Variants in CEP57L1 observed in about 807,000 individuals in gnomAD.
The protein encoded by CEP57L1 is centrosomal protein 57 like 1, also known as centrosomal protein CEP57L1.
In CEP57L1, 37 loss-of-function variants were observed where a neutral mutation model predicts 61.0. The ratio of observed to expected loss-of-function variants is 0.61; its 90% CI spans 0.47 to 0.80. The LOEUF (loss-of-function observed/expected upper bound fraction) is 0.80, where lower values mean the gene tolerates loss of function less well. Among genes scored for constraint, CEP57L1 ranks in the 30% least tolerant of loss-of-function variants. CEP57L1 has a pLI of 0.00. For missense variants in CEP57L1, 422 were observed against 524.7 expected (o/e 0.80, Z 1.91); for synonymous variants, 137 against 162.3 (o/e 0.84, Z 1.19).
rs114989803 is a variant in CEP57L1 at position 109,144,461 on chromosome 6, G to A, written c.-3-758G>A. Among the ~76,000 whole-genome samples the A allele has an allele frequency of 7.9e-3, 1,205 of 151,964 alleles. 20 individuals are homozygous for A. The highest frequency in any genetic ancestry group is 0.028 in the African/African-American group (1,155 of 41,444). ...TGAATTAATTTAATTAACATTGACT[G>A]GAATCTATTAAAAAATAGAATACAT... On this transcript the variant is annotated intron_variant, in intron 1 of 10. Transcript: ENST00000517392.
rs1399965067 is a variant in CEP57L1 at position 109,171,609 on chromosome 6, A to G, written c.*8639A>G. ...TCAGTTTAAACTACCATCTACAGAA[A>G]TAAAAAACATAAACCACTAAAAGAT... On this transcript the variant is annotated 3_prime_UTR_variant, in exon 11 of 11. Transcript: ENST00000517392. Among the ~76,000 whole-genome samples the G allele has an allele frequency of 9.9e-5, 15 of 152,210 alleles. No homozygotes were observed. Among genetic ancestry groups the G allele is most frequent in the Admixed American group, 7.9e-4 (12 of 15,280 alleles).
intron 1 of CEP57L1, among the ~76,000 whole-genome samples, chr6:109,115,262 G>C (rs1370400033): frequency 6.6e-6 from 1 of 151,602 alleles, no homozygotes; most frequent in Admixed American, 6.6e-5. Context: ...TTAAAGGAGA[G>C]AAAAGAGAGA....
At chr6:109,119,787 A>AT (rs1279323866) in intron 1 of CEP57L1, among the ~76,000 whole-genome samples, 1 of 152,178 alleles carries the variant, frequency 6.6e-6, no homozygotes, top group Non-Finnish European at 1.5e-5. Context: ...TAAGTAGGTT[A>AT]TGTGGGGAAT....
In CEP57L1 at chr6:109,167,231, A is replaced by G. The variant is rs1774167300; in HGVS notation, c.*4261A>G. On this transcript the variant is annotated 3_prime_UTR_variant, in exon 11 of 11. Coordinates refer to ENST00000517392, the MANE Select transcript of CEP57L1 (RefSeq NM_001271852.3). Reference sequence around the variant, plus strand: ...TTTTTTTTTTCCTGTAAGGAGAATTAGACATAGAAAAATTATAAATTTAAG... The same window carrying G: ...TTTTTTTTTTCCTGTAAGGAGAATTGGACATAGAAAAATTATAAATTTAAG... Among the ~76,000 whole-genome samples, 1 of 151,842 alleles carries G rather than the reference A, an allele frequency of 6.6e-6. No homozygotes were observed. The highest frequency in any genetic ancestry group is 2.4e-5 in the African/African-American group (1 of 41,296).
chr6:109,114,931 A>G lies in CEP57L1; in HGVS notation c.-4+19356A>G, dbSNP rs114751281. Among the ~76,000 whole-genome samples, 916 of 152,312 alleles carry G rather than the reference A, an allele frequency of 6.0e-3. 9 individuals carry two copies. Among genetic ancestry groups the G allele is most frequent in the African/African-American group, 0.02 (819 of 41,572 alleles). ...CTGATATGATCATTCCACAATGTAT[A>G]CATGTATTGAAATATCACCTTATAC... On this transcript the variant is annotated intron_variant, in intron 1 of 10. Transcript: ENST00000517392.
upstream of CEP57L1, chr6:109,095,392 A>G: frequency 1.0e-6 from 1 of 985,892 alleles, no homozygotes; most frequent in Non-Finnish European, 1.2e-6. Flanking sequence ...TCATTACTCC[A>G]AACCCCAGAT....
intron 1 of CEP57L1, among the ~76,000 whole-genome samples, chr6:109,129,092 C>T (rs775749948): frequency 4.6e-5 from 7 of 151,956 alleles, no homozygotes; most frequent in Non-Finnish European, 8.8e-5. Flanking sequence ...CCCAGCTACT[C>T]GGGAGGCTGA....
chr6:109,108,912 A>G (rs889617571), intron 1 of CEP57L1, among the ~76,000 whole-genome samples: 2 of 152,186 alleles, frequency 1.3e-5, no homozygotes, highest in Non-Finnish European at 2.9e-5. Context: ...GTGCCATTCC[A>G]TCAGATATAC....
Position 109,153,910 on chromosome 6 carries a change from A to G in CEP57L1, c.540A>G (p.Lys180=). Residue 180 remains lysine, a synonymous_variant, in exon 5 of 11, where the codon AAA becomes AAG. Coordinates refer to ENST00000517392, the MANE Select transcript of CEP57L1 (RefSeq NM_001271852.3). ...TTGAAAAGCTTGATGTCTTAGAAAA[A>G]GAGTGTTTCAGACTTACAACAACTC... The part of the protein sequence containing the change: ...AKLEKLDVLE[K]ECFRLTTTQK... 1 of 1,610,538 alleles carries G rather than the reference A, an allele frequency of 6.2e-7. No homozygotes were observed. The highest frequency in any genetic ancestry group is 8.5e-7 in the Non-Finnish European group (1 of 1,177,840).
chr6:109,099,089 G>A (rs1170871042), intron 1 of CEP57L1, among the ~76,000 whole-genome samples: 9 of 152,198 alleles, frequency 5.9e-5, no homozygotes, highest in South Asian at 2.1e-4. Flanking sequence ...GCTTGGCCAC[G>A]TTAAGTTTGA....
chr6:109,124,354 G>A (rs1773309467), intron 1 of CEP57L1, among the ~76,000 whole-genome samples: 1 of 152,166 alleles, frequency 6.6e-6, no homozygotes, highest in Non-Finnish European at 1.5e-5. Flanking sequence ...TCCAGCTTTA[G>A]TAAATCACTC....
At position 109,146,808 on chromosome 6, in the gene CEP57L1, C is replaced by A. The variant is rs372015359; in HGVS notation, c.211C>A (p.Leu71Met). 1.2e-6 allele frequency: 2 copies of A among 1,607,914 alleles called. No homozygotes were observed. Among genetic ancestry groups the A allele is most frequent in the African/African-American group, 2.7e-5 (2 of 74,350 alleles). The change falls in exon 3 of 11, where the codon CTG (leucine) becomes ATG (methionine). Residue 71 changes from leucine (L) to methionine (M), a missense_variant. By Grantham distance (15) the Leu-to-Met change is conservative. Coordinates refer to ENST00000517392, the MANE Select transcript of CEP57L1 (RefSeq NM_001271852.3). ...TCAGGAAAAAATTCATCGTTTAGAG[C>A]TGGAGAGAACACAAGCTGAAGATAA... ...TLQEKIHRLE[L>M]ERTQAEDNLN...
chr6:109,148,300 G>A lies in CEP57L1; in HGVS notation c.340+1363G>A, dbSNP rs577262007. ...CACCCCACAACAGTCCCCAGAGTGCGATGTTCCCCTTCCTGTGTCCATGTG... is the reference window on the plus strand; with the variant it reads ...CACCCCACAACAGTCCCCAGAGTGCAATGTTCCCCTTCCTGTGTCCATGTG... On this transcript the variant is annotated intron_variant, in intron 3 of 10. Transcript: ENST00000517392. 4.6e-5 allele frequency among the ~76,000 whole-genome samples: 7 copies of A among 151,422 alleles called. No homozygotes were observed. The East Asian group carries it at 7.8e-4, about 17-fold the overall frequency.
chr6:109,101,272 G>T (rs1782365933), intron 1 of CEP57L1, among the ~76,000 whole-genome samples: 1 of 152,170 alleles, frequency 6.6e-6, no homozygotes, highest in African/African-American at 2.4e-5. Flanking sequence ...CTTTGGTCAT[G>T]GACCATGGAA....
chr6:109,106,349 T>TTA (rs2114595241), intron 1 of CEP57L1, among the ~76,000 whole-genome samples: 1 of 152,328 alleles, frequency 6.6e-6, no homozygotes, highest in South Asian at 2.1e-4. Context: ...CTTATACATC[T>TTA]TATTTTCTTT....
intron 1 of CEP57L1, among the ~76,000 whole-genome samples, chr6:109,101,982 G>T (rs1782489361): frequency 6.6e-6 from 1 of 152,162 alleles, no homozygotes; most frequent in African/African-American, 2.4e-5. Context: ...GAGAGTTCCT[G>T]TTGCGCCCCA....
At chr6:109,130,886 A>C (rs1168932092) in intron 1 of CEP57L1, 1 of 152,036 alleles carries the variant, frequency 6.6e-6, no homozygotes, top group African/African-American at 2.4e-5. Context: ...TCTTTCTACT[A>C]TAAAGTTACT....
chr6:109,141,471 C>G (rs1771376307), intron 1 of CEP57L1, among the ~76,000 whole-genome samples: 1 of 152,042 alleles, frequency 6.6e-6, no homozygotes, highest in Non-Finnish European at 1.5e-5. Context: ...CCTCTCCCTC[C>G]CAAAGTGTTT....
intron 1 of CEP57L1, among the ~76,000 whole-genome samples, chr6:109,100,615 C>T (rs1782264623): frequency 7.6e-6 from 1 of 132,126 alleles, no homozygotes; most frequent in Admixed American, 8.7e-5. Flanking sequence ...GCAGAGGTTG[C>T]AGTGAGCTGA....
Sources: gnomAD v4.1 joint callset for allele counts (sites outside exome capture counted in the v4.1 genomes callset) on GRCh38, gnomAD v4.1.1 for gene constraint, MANE v1.5 for transcripts, NCBI Gene and HGNC (gene_info 2026-07-23, HGNC 2026-07-21) for gene names.